Variants in ARSJ observed in about 807,000 individuals in gnomAD.
ARSJ encodes arylsulfatase J.
A neutral mutation model predicts 35.9 loss-of-function variants in ARSJ; 26 were observed. The observed-to-expected ratio is 0.72, with a 90% CI of 0.53 to 1.00. The LOEUF (loss-of-function observed/expected upper bound fraction) is 1.00, where lower values mean the gene tolerates loss of function less well. Among genes scored for constraint, ARSJ ranks in the 50% least tolerant of loss-of-function variants. The pLI is 0.00. For missense variants in ARSJ, 667 were observed against 723.6 expected (o/e 0.92, Z 0.90); for synonymous variants, 294 against 267.6 (o/e 1.10, Z -0.96).
At chr4:113,933,369 G>A (rs1724575312) in intron 1 of ARSJ, among the ~76,000 whole-genome samples, 1 of 151,800 alleles carries the variant, frequency 6.6e-6, no homozygotes, top group Non-Finnish European at 1.5e-5. Context: ...GTGTTGCTCT[G>A]ATACCAAAAC....
rs2099667676 is a variant in ARSJ at position 113,903,160 on chromosome 4, T to C, written c.914A>G (p.Asn305Ser). The C allele has an allele frequency of 1.2e-6, 2 of 1,614,098 alleles. No homozygotes were observed. The highest frequency in any genetic ancestry group is 1.7e-5 in the Admixed American group (1 of 60,016). ...AMLSCLDEAI[N>S]NVTLALKTYG... ...AGTCTTTAGAGCCAATGTCACGTTG[T>C]TGATTGCTTCATCTAAGCAGGAAAG... is the stretch of plus-strand genomic sequence containing the variant. The change falls in exon 2 of 2, where the codon AAC (asparagine) becomes AGC (serine). Residue 305 changes from asparagine to serine, a missense_variant. By Grantham distance (46) the Asn-to-Ser change is conservative (BLOSUM62 1). Transcript: ENST00000315366.
At chr4:113,952,668 T>C (rs1415479132) in intron 1 of ARSJ, among the ~76,000 whole-genome samples, 8 of 152,060 alleles carry the variant, frequency 5.3e-5, no homozygotes, top group Non-Finnish European at 1.2e-4. Flanking sequence ...GGTACAGGAA[T>C]GGTCGACCCC....
intron 1 of ARSJ, among the ~76,000 whole-genome samples, chr4:113,955,666 T>C (rs938654217): frequency 2.0e-5 from 3 of 152,082 alleles, no homozygotes; most frequent in Admixed American, 6.6e-5. Context: ...TTAACCTTCA[T>C]AACTGTTATA....
intron 1 of ARSJ, among the ~76,000 whole-genome samples, chr4:113,977,121 T>C (rs1727635756): frequency 6.6e-6 from 1 of 152,126 alleles, no homozygotes; most frequent in South Asian, 2.1e-4. Flanking sequence ...TATATAAGGG[T>C]GTTTGGAATC....
chr4:113,919,670 G>C (rs1047162417), intron 1 of ARSJ, among the ~76,000 whole-genome samples: 1 of 152,130 alleles, frequency 6.6e-6, no homozygotes, highest in Non-Finnish European at 1.5e-5. Context: ...TTGGGAAGGG[G>C]CAGTGTGTGA....
intron 1 of ARSJ, among the ~76,000 whole-genome samples, chr4:113,912,702 AC>A (rs1212297430): frequency 6.6e-6 from 1 of 151,788 alleles, no homozygotes; most frequent in African/African-American, 2.4e-5. Context: ...GTGGCTCATA[AC>A]AGCACATCAA....
At chr4:113,975,550 CCTTTTAT>C (rs1303479877) in intron 1 of ARSJ, among the ~76,000 whole-genome samples, 1 of 152,130 alleles carries the variant, frequency 6.6e-6, no homozygotes, top group Non-Finnish European at 1.5e-5. Context: ...TCCCAATCAA[CCTTTTAT>C]CTCATCAGGA....
At chr4:113,957,810 CTT>C (rs1207475215) in intron 1 of ARSJ, among the ~76,000 whole-genome samples, 1 of 152,070 alleles carries the variant, frequency 6.6e-6, no homozygotes, top group Non-Finnish European at 1.5e-5. Flanking sequence ...TAAAACATCT[CTT>C]AATTGTTATG....
intron 1 of ARSJ, among the ~76,000 whole-genome samples, chr4:113,961,719 A>C (rs940979075): frequency 3.9e-5 from 6 of 152,148 alleles, no homozygotes; most frequent in African/African-American, 1.4e-4. Flanking sequence ...TAAGAAGCAA[A>C]ATAGGTGGAC....
chr4:113,924,764 A>T, intron 1 of ARSJ, among the ~76,000 whole-genome samples: 1 of 152,208 alleles, frequency 6.6e-6, no homozygotes, highest in East Asian at 1.9e-4. Flanking sequence ...AGTGTTATAC[A>T]TGCACAAACA....
intron 1 of ARSJ, among the ~76,000 whole-genome samples, chr4:113,936,247 AT>A (rs1724759756): frequency 6.6e-6 from 1 of 151,956 alleles, no homozygotes; most frequent in Non-Finnish European, 1.5e-5. Context: ...AAAATTCACT[AT>A]TATAAACAAG....
At chr4:113,965,139 T>C (rs1726811749) in intron 1 of ARSJ, among the ~76,000 whole-genome samples, 1 of 152,136 alleles carries the variant, frequency 6.6e-6, no homozygotes, top group Non-Finnish European at 1.5e-5. Context: ...GTTTGATTAA[T>C]AGGTTAAGTA....
At chr4:113,944,203 T>C (rs2149271223) in intron 1 of ARSJ, 1 of 152,124 alleles carries the variant, frequency 6.6e-6, no homozygotes, top group South Asian at 2.1e-4. Context: ...TGCATGTGTA[T>C]ATGTGTGTGT....
chr4:113,956,314 A>C (rs995679861), intron 1 of ARSJ, among the ~76,000 whole-genome samples: 1 of 152,128 alleles, frequency 6.6e-6, no homozygotes, highest in Non-Finnish European at 1.5e-5. Context: ...ATATTCCCCT[A>C]GAACATAAAG....
chr4:113,973,552 G>C (rs1306077503), intron 1 of ARSJ, among the ~76,000 whole-genome samples: 1 of 152,160 alleles, frequency 6.6e-6, no homozygotes, highest in African/African-American at 2.4e-5. Context: ...CCTGGTGTCT[G>C]TTAAAATTTA....
chr4:113,952,852 T>C (rs1725948954), intron 1 of ARSJ, among the ~76,000 whole-genome samples: 1 of 152,022 alleles, frequency 6.6e-6, no homozygotes, highest in Non-Finnish European at 1.5e-5. Flanking sequence ...GGAAGACACA[T>C]CAATGACAAG....
At chr4:113,978,248 T>C (rs1020076089) in intron 1 of ARSJ, among the ~76,000 whole-genome samples, 189 bp downstream of exon 1, 4 of 152,240 alleles carry the variant, frequency 2.6e-5, no homozygotes, top group Admixed American at 6.5e-5. Flanking sequence ...CACTAGTGAC[T>C]AGAAAATTAA....
chr4:113,903,227 G>T lies in ARSJ; in HGVS notation c.847C>A (p.Arg283=). The T allele has an allele frequency of 2.5e-6, 4 of 1,614,198 alleles. No homozygotes were observed. Among genetic ancestry groups the T allele is most frequent in the Non-Finnish European group, 3.4e-6 (4 of 1,180,030 alleles). The stretch of plus-strand genomic sequence containing the variant: ...CTCCTGTTTATGTTGATAATGGATC[G>T]GTAGTGTTCGAAATACCTGCCAGGA... ...QAPGRYFEHY[R]SIININRRRY... Residue 283 remains arginine, a synonymous_variant, in exon 2 of 2, where the codon CGA becomes AGA. Coordinates refer to ENST00000315366, the MANE Select transcript of ARSJ (RefSeq NM_024590.4).
At chr4:113,957,302 G>C (rs999825297) in intron 1 of ARSJ, among the ~76,000 whole-genome samples, 1 of 151,872 alleles carries the variant, frequency 6.6e-6, no homozygotes, top group African/African-American at 2.4e-5. Flanking sequence ...ATCTCTATTA[G>C]CATCCTTATA....
Sources: gnomAD v4.1 joint callset for allele counts (sites outside exome capture counted in the v4.1 genomes callset) on GRCh38, gnomAD v4.1.1 for gene constraint, MANE v1.5 for transcripts, NCBI Gene and HGNC (gene_info 2026-07-23, HGNC 2026-07-21) for gene names.